Variants in EIF2S1 observed in about 807,000 individuals in gnomAD.
EIF2S1 encodes eukaryotic translation initiation factor 2 subunit alpha, also known as eukaryotic translation initiation factor 2 subunit 1.
In EIF2S1, 5 loss-of-function variants were observed where a neutral mutation model predicts 33.5. The observed-to-expected ratio is 0.15, with a 90% confidence interval of 0.08 to 0.31. The LOEUF is 0.31. Among genes scored for constraint, EIF2S1 ranks in the 10% least tolerant of loss-of-function variants. EIF2S1 has a pLI of 1.00. For missense variants in EIF2S1, 191 were observed against 384.6 expected (o/e 0.50, Z 4.21); for synonymous variants, 99 against 127.5 (o/e 0.78, Z 1.51).
chr14:67,376,175 G>A (rs1457249084), intron 3 of EIF2S1, among the ~76,000 whole-genome samples: 1 of 152,080 alleles, frequency 6.6e-6, no homozygotes, highest in Non-Finnish European at 1.5e-5. Context: ...TCTGTAGTAA[G>A]GAGAGATGCT....
At position 67,381,384 on chromosome 14, in the gene EIF2S1, C is replaced by T. The variant is rs149631920; in HGVS notation, c.581-209C>T. ...GTCAAAGGGTAATGCAATTTCTAAACCGTTTTAGATAAGTTGCAGTTATTG... is the reference window on the plus strand; with the variant it reads ...GTCAAAGGGTAATGCAATTTCTAAATCGTTTTAGATAAGTTGCAGTTATTG... On this transcript the variant is annotated intron_variant, in intron 5 of 7. Coordinates refer to ENST00000256383, the MANE Select transcript of EIF2S1 (RefSeq NM_004094.5). 1.1e-3 allele frequency among the ~76,000 whole-genome samples: 161 copies of T among 152,256 alleles called. 1 individual carries two copies. The highest frequency in any genetic ancestry group is 4.1e-4 in the Non-Finnish European group (28 of 68,006).
chr14:67,366,713 C>CAA (rs1307101129), intron 2 of EIF2S1, among the ~76,000 whole-genome samples: 2 of 152,134 alleles, frequency 1.3e-5, no homozygotes, highest in African/African-American at 2.4e-5. Flanking sequence ...TCCTCCTAGA[C>CAA]AAGCCTTTCA....
Position 67,380,770 on chromosome 14 carries a change from AT to A in EIF2S1, c.580+6del. On this transcript the variant is annotated splice_donor_region_variant and intron_variant, in intron 5 of 7. Transcript: ENST00000256383. ...AGGCTGTCAAAATTCGAGCAGGTAA[AT>A]GATTTTTTAAATGATTTTTACAGTA... 1 of 1,469,196 alleles carries A rather than the reference AT, an allele frequency of 6.8e-7. No homozygotes were observed. The highest frequency in any genetic ancestry group is 1.4e-5 in the South Asian group (1 of 70,528). The allele number at this position is 1,469,196 out of a possible 1,614,324, so 91.0% of individuals were successfully genotyped here. A position where few individuals can be genotyped will look rare whatever the true frequency, so the allele number is the denominator to read the frequency against.
At chr14:67,376,063 A>G (rs1230999256) in intron 3 of EIF2S1, among the ~76,000 whole-genome samples, 1 of 152,192 alleles carries the variant, frequency 6.6e-6, no homozygotes, top group Non-Finnish European at 1.5e-5. Flanking sequence ...AATTTTTTTT[A>G]TCGTGATTCT....
chr14:67,376,559 G>A lies in EIF2S1; in HGVS notation c.442G>A (p.Gly148Ser). 1 of 1,613,950 alleles carries A rather than the reference G, an allele frequency of 6.2e-7. No individual in the cohort carries two copies. Among genetic ancestry groups the A allele is most frequent in the African/African-American group, 1.3e-5 (1 of 74,998 alleles). Residue 148 changes from glycine to serine, a missense_variant, in exon 4 of 8, where the codon GGT becomes AGT. Gly to Ser is a moderately conservative substitution (Grantham distance 56). Coordinates refer to ENST00000256383, the MANE Select transcript of EIF2S1 (RefSeq NM_004094.5). ...TGACAAGTACAAGAGACCTGGATATGGTGCCTATGATGCATTTAAGCATGC... is the reference window on the plus strand; with the variant it reads ...TGACAAGTACAAGAGACCTGGATATAGTGCCTATGATGCATTTAAGCATGC... Reference protein sequence around the residue: ...FDDKYKRPGYGAYDAFKHAVS... With the variant: ...FDDKYKRPGYSAYDAFKHAVS...
At chr14:67,379,166 A>G (rs1179335601) in intron 4 of EIF2S1, among the ~76,000 whole-genome samples, 1 of 152,124 alleles carries the variant, frequency 6.6e-6, no homozygotes, top group African/African-American at 2.4e-5. Context: ...CAGGGCTGTG[A>G]TGAATAGTGT....
At chr14:67,381,114 G>A (rs1566617425) in intron 5 of EIF2S1, among the ~76,000 whole-genome samples, 1 of 152,130 alleles carries the variant, frequency 6.6e-6, no homozygotes. Flanking sequence ...TTTCCACCCA[G>A]TGTATCATAG....
chr14:67,363,341 G>A (rs1310401971), intron 1 of EIF2S1, among the ~76,000 whole-genome samples: 2 of 151,784 alleles, frequency 1.3e-5, no homozygotes, highest in East Asian at 3.9e-4. Context: ...TCCCTACAAA[G>A]AAATACATCT....
chr14:67,381,032 G>T (rs1245774639), intron 5 of EIF2S1, among the ~76,000 whole-genome samples: 2 of 152,050 alleles, frequency 1.3e-5, no homozygotes, highest in African/African-American at 4.8e-5. Flanking sequence ...TTTTGTTTTA[G>T]TGCATACTTT....
intron 3 of EIF2S1, among the ~76,000 whole-genome samples, chr14:67,375,406 G>A (rs1044175201): frequency 6.6e-6 from 1 of 152,096 alleles, no homozygotes; most frequent in Non-Finnish European, 1.5e-5. Flanking sequence ...ACAGGCGTAA[G>A]CCAGTGTGCC....
intron 2 of EIF2S1, among the ~76,000 whole-genome samples, chr14:67,369,030 T>G (rs1253247189): frequency 3.3e-5 from 5 of 152,242 alleles, no homozygotes; most frequent in African/African-American, 1.2e-4. Flanking sequence ...CAGTTATTGA[T>G]ACAACTGAAT....
At chr14:67,369,969 C>T (rs776209941) in intron 2 of EIF2S1, among the ~76,000 whole-genome samples, 2 of 152,120 alleles carry the variant, frequency 1.3e-5, no homozygotes, top group Non-Finnish European at 2.9e-5. Context: ...CTGAGAGCCC[C>T]GAACAGAGAT....
At position 67,364,794 on chromosome 14, in the gene EIF2S1, T is replaced by C. The variant is rs1956197679; in HGVS notation, c.27T>C (p.Tyr9=). 1.2e-6 allele frequency: 2 copies of C among 1,613,704 alleles called. No homozygotes were observed. The highest frequency in any genetic ancestry group is 2.7e-5 in the African/African-American group (2 of 74,918). The part of the protein sequence containing the change: MPGLSCRF[Y]QHKFPEVEDV... ...TGCCGGGTCTAAGTTGTAGATTTTATCAACACAAATTTCCTGAGGTGGAAG... is the reference window on the plus strand; with the variant it reads ...TGCCGGGTCTAAGTTGTAGATTTTACCAACACAAATTTCCTGAGGTGGAAG... The change falls in exon 2 of 8, where the codon TAT becomes TAC. Residue 9 remains tyrosine, a synonymous_variant. Coordinates refer to ENST00000256383, the MANE Select transcript of EIF2S1 (RefSeq NM_004094.5).
intron 2 of EIF2S1, among the ~76,000 whole-genome samples, chr14:67,368,412 G>T (rs892611429): frequency 6.6e-6 from 1 of 152,060 alleles, no homozygotes; most frequent in Non-Finnish European, 1.5e-5. Context: ...CCCACCTGAC[G>T]GAGGGGCAGT....
intron 2 of EIF2S1, among the ~76,000 whole-genome samples, chr14:67,373,183 T>G (rs987035751): frequency 6.6e-6 from 1 of 152,204 alleles, no homozygotes; most frequent in Admixed American, 6.5e-5. Flanking sequence ...CTAGGAAAAT[T>G]TATGTTCACA....
chr14:67,376,628 T>C (rs1232858230), intron 4 of EIF2S1, 38 bp downstream of exon 4: 17 of 1,596,738 alleles, frequency 1.1e-5, no homozygotes, highest in Non-Finnish European at 1.4e-5. Flanking sequence ...TACCTTGATA[T>C]CACAACTCTT....
intron 2 of EIF2S1, among the ~76,000 whole-genome samples, chr14:67,372,127 A>T: frequency 6.6e-6 from 1 of 150,824 alleles, no homozygotes. Context: ...CTTTTTATTT[A>T]AAAAAAAAAT....
At chr14:67,376,367 T>G (rs2085857933) in intron 3 of EIF2S1, 72 bp from the exon 4 acceptor site, 1 of 1,385,926 alleles carries the variant, frequency 7.2e-7, no homozygotes, top group African/African-American at 1.5e-5. Flanking sequence ...ATTATGTTAT[T>G]TACTAAAATG....
intron 5 of EIF2S1, 29 bp downstream of exon 5, chr14:67,380,794 G>T (rs10132093): frequency 1.2e-5 from 16 of 1,313,784 alleles, no homozygotes; most frequent in South Asian, 1.6e-5. Flanking sequence ...GATTTTTACA[G>T]TATTTTGCAT....
Sources: allele counts gnomAD v4.1 joint callset (sites outside exome capture counted in the v4.1 genomes callset), GRCh38; gene constraint gnomAD v4.1.1; transcripts MANE v1.5; gene names NCBI Gene and HGNC (gene_info 2026-07-23, HGNC 2026-07-21).